SLC38A1: variants seen among roughly 807,000 people sequenced by gnomAD.
SLC38A1 encodes the protein sodium-coupled neutral amino acid symporter 1.
A neutral mutation model predicts 60.3 loss-of-function variants in SLC38A1; 18 were observed. The ratio of observed to expected loss-of-function variants is 0.30; its 90% CI spans 0.21 to 0.44. SLC38A1 has a LOEUF of 0.44. SLC38A1 is among the 20% of genes least tolerant of loss of function. SLC38A1 has a pLI of 1.00. For missense variants in SLC38A1, 448 were observed against 587.2 expected (o/e 0.76, Z 2.45); for synonymous variants, 196 against 212.1 (o/e 0.92, Z 0.66).
chr12:46,257,382 C>A (rs1210805597), intron 1 of SLC38A1, among the ~76,000 whole-genome samples: 10 of 152,140 alleles, frequency 6.6e-5, no homozygotes, highest in African/African-American at 9.7e-5. Flanking sequence ...CTAATTTGGG[C>A]CTCTAACCCA....
chr12:46,213,278 T>C (rs1483619057), intron 5 of SLC38A1, among the ~76,000 whole-genome samples: 1 of 152,240 alleles, frequency 6.6e-6, no homozygotes, highest in Non-Finnish European at 1.5e-5. Context: ...TTTGAGCTTC[T>C]GGTGTGAATG....
rs373216951 is a variant in SLC38A1, at chr12:46,239,793, T to G, written c.8A>C (p.His3Pro). The change falls in exon 3 of 17, where the codon CAT becomes CCT. Residue 3 changes from histidine (H) to proline (P), a missense_variant. Around this residue, in one of 2 missense-constraint regions of SLC38A1, gnomAD observed 102 missense variants for 89.7 expected, o/e 1.14. Transcript: ENST00000398637. ...AGTTAATTCGAGTCCACTTTTGAAA[T>G]GCATCATGATTAGAAAGTGTCTGTA... MM[H>P]FKSGLELTEL... 16 of 1,612,650 alleles carry G rather than the reference T, an allele frequency of 9.9e-6. No individual in the cohort carries two copies. Among genetic ancestry groups the G allele is most frequent in the Non-Finnish European group, 1.3e-5 (15 of 1,179,968 alleles).
At chr12:46,263,689 A>G (rs1429912095) in intron 1 of SLC38A1, among the ~76,000 whole-genome samples, 1 of 151,216 alleles carries the variant, frequency 6.6e-6, no homozygotes, top group African/African-American at 2.4e-5. Flanking sequence ...TTCTTTTCCA[A>G]CCTTCGCCAT....
chr12:46,197,656 T>C, intron 16 of SLC38A1, 64 bp downstream of exon 16: 2 of 1,092,612 alleles, frequency 1.8e-6, no homozygotes, highest in East Asian at 2.4e-5. Context: ...AGGTGGACTA[T>C]TTATTTTGTA....
At chr12:46,220,182 A>G (rs891817771) in intron 5 of SLC38A1, among the ~76,000 whole-genome samples, 1 of 152,226 alleles carries the variant, frequency 6.6e-6, no homozygotes, top group African/African-American at 2.4e-5. Context: ...ATTTCTGAAA[A>G]GCTTCTTAAT....
intron 6 of SLC38A1, 103 bp from the exon 7 acceptor site, chr12:46,207,724 T>C: frequency 4.5e-6 from 5 of 1,116,208 alleles, no homozygotes; most frequent in South Asian, 1.3e-5. Flanking sequence ...AGTTACTATG[T>C]GCCTTTCTCA....
intron 5 of SLC38A1, 41 bp from the exon 6 acceptor site, chr12:46,209,168 A>G: frequency 7.4e-7 from 1 of 1,357,952 alleles, no homozygotes; most frequent in African/African-American, 1.4e-5. Flanking sequence ...TATCTAGAAA[A>G]GAATATATTC....
chr12:46,206,152 C>G lies in SLC38A1; in HGVS notation c.574G>C (p.Val192Leu), dbSNP rs377506874. ...GKEETFSAWY[V>L]DGRVLVVIVT... is the part of the protein sequence containing the mutation. Reference sequence around the variant, plus strand: ...ATCACCACCAGAACGCGGCCATCCACGTACCAGGCTCTGAAAGGCATTTAA... The same window carrying G: ...ATCACCACCAGAACGCGGCCATCCAGGTACCAGGCTCTGAAAGGCATTTAA... The change falls in exon 9 of 17, where the codon GTG (valine) becomes CTG (leucine). Residue 192 changes from valine to leucine, a missense_variant. By Grantham distance (32) the Val-to-Leu change is conservative (BLOSUM62 1). Transcript: ENST00000398637. The G allele has an allele frequency of 6.2e-7, 1 of 1,607,010 alleles. No homozygotes were observed. Among genetic ancestry groups the G allele is most frequent in the Non-Finnish European group, 8.5e-7 (1 of 1,175,388 alleles).
intron 3 of SLC38A1, among the ~76,000 whole-genome samples, chr12:46,233,093 A>G (rs1341746483): frequency 6.6e-6 from 1 of 152,096 alleles, no homozygotes; most frequent in Non-Finnish European, 1.5e-5. Context: ...ATCATAGCTC[A>G]CTGTAACCTG....
chr12:46,223,398 T>C (rs1345436730), intron 5 of SLC38A1, among the ~76,000 whole-genome samples: 1 of 152,174 alleles, frequency 6.6e-6, no homozygotes, highest in East Asian at 1.9e-4. Flanking sequence ...CTACAGTGTG[T>C]ACTATGCACC....
At chr12:46,191,279 T>A (rs1939133789) in intron 16 of SLC38A1, among the ~76,000 whole-genome samples, 1 of 152,190 alleles carries the variant, frequency 6.6e-6, no homozygotes, top group South Asian at 2.1e-4. Context: ...TCTGTTCTGT[T>A]CCATTGGTCC....
intron 5 of SLC38A1, among the ~76,000 whole-genome samples, chr12:46,220,645 C>T (rs971011916): frequency 6.6e-6 from 1 of 152,164 alleles, no homozygotes; most frequent in African/African-American, 2.4e-5. Context: ...AGACCATCTT[C>T]GTTGCCACTG....
At chr12:46,208,995 T>C in intron 6 of SLC38A1, 59 bp downstream of exon 6, 1 of 1,181,110 alleles carries the variant, frequency 8.5e-7, no homozygotes, top group Non-Finnish European at 1.3e-6. Flanking sequence ...TGTTCCACAA[T>C]GCTACCATAA....
intron 1 of SLC38A1, among the ~76,000 whole-genome samples, chr12:46,262,320 A>AT (rs748799965): frequency 6.6e-6 from 1 of 152,204 alleles, no homozygotes; most frequent in African/African-American, 2.4e-5. Flanking sequence ...AATAAACTCT[A>AT]AAGTTAATGA....
chr12:46,197,710 A>G lies in SLC38A1; in HGVS notation c.1362+10T>C, dbSNP rs1939445484. On this transcript the variant is annotated intron_variant, in intron 16 of 16. Transcript: ENST00000398637. ...ATCAGAAAAGTTAGAGTGGCTGGCA[A>G]GAGACATACCCAAATTCTTTGAGTT... 1 of 1,534,518 alleles carries G rather than the reference A, an allele frequency of 6.5e-7. No individual in the cohort carries two copies. Among genetic ancestry groups the G allele is most frequent in the Non-Finnish European group, 8.9e-7 (1 of 1,123,398 alleles).
chr12:46,217,860 GTTCTTTCCAT>G (rs574466725), intron 5 of SLC38A1, among the ~76,000 whole-genome samples: 174 of 152,250 alleles, frequency 1.1e-3, no homozygotes, highest in African/African-American at 3.9e-3. Context: ...TATTTGTACC[GTTCTTTCCAT>G]TTCTTTCCTT....
chr12:46,239,776 C>T lies in SLC38A1; in HGVS notation c.25G>A (p.Glu9Lys). 5 of 1,613,028 alleles carry T rather than the reference C, an allele frequency of 3.1e-6. No individual in the cohort carries two copies. Among genetic ancestry groups the T allele is most frequent in the African/African-American group, 1.3e-5 (1 of 74,964 alleles). ...GTCATGTTTTGCAACTCAGTTAATT[C>T]GAGTCCACTTTTGAAATGCATCATG... MMHFKSGLELTELQNMTVP... is the reference protein window; with the variant it reads MMHFKSGLKLTELQNMTVP... The change falls in exon 3 of 17, where the codon GAA becomes AAA. Residue 9 changes from glutamate (E) to lysine (K), a missense_variant. By Grantham distance (56) the Glu-to-Lys change is moderately conservative. This residue lies in a region of SLC38A1 where 102 missense variants were observed against 89.7 expected (regional missense o/e 1.14). Transcript: ENST00000398637.
intron 1 of SLC38A1, among the ~76,000 whole-genome samples, chr12:46,246,869 CT>C (rs1941638997): frequency 6.6e-6 from 1 of 152,218 alleles, no homozygotes; most frequent in South Asian, 2.1e-4. Context: ...GCAGCCTCCA[CT>C]GGTGATACCT....
Position 46,198,660 on chromosome 12 carries a change from C to A in SLC38A1, c.1087G>T (p.Ala363Ser). 1 of 1,613,198 alleles carries A rather than the reference C, an allele frequency of 6.2e-7. No individual in the cohort carries two copies. ...AACACCGGCACTGTGAGGATCACAG[C>A]AACAATGACAGCCAGCCGCACTGTC... The part of the protein sequence containing the change: ...ILTVRLAVIV[A>S]VILTVPVLFF... The change falls in exon 14 of 17, where the codon GCT becomes TCT. Residue 363 changes from alanine to serine, a missense_variant. Ala to Ser is a moderately conservative substitution (Grantham distance 99). Around this residue, in one of 2 missense-constraint regions of SLC38A1, gnomAD observed 346 missense variants for 497.5 expected, o/e 0.70. Coordinates refer to ENST00000398637, the MANE Select transcript of SLC38A1 (RefSeq NM_030674.4).
Sources: gnomAD v4.1 joint callset for allele counts (sites outside exome capture counted in the v4.1 genomes callset) on GRCh38, gnomAD v4.1.1 for gene constraint, gnomAD v4.1.1 regional missense constraint, MANE v1.5 for transcripts, NCBI Gene and HGNC (gene_info 2026-07-23, HGNC 2026-07-21) for gene names.